The following SIGLEC9 variants were observed in gnomAD, a reference collection of about 807,000 sequenced individuals.
SIGLEC9 encodes sialic acid binding Ig like lectin 9.
Under a neutral mutation model 38.3 loss-of-function variants are expected in SIGLEC9, and 26 were observed. That is an observed-to-expected ratio of 0.68 (90% CI 0.50 to 0.94). The LOEUF is 0.94. Ranked by LOEUF, SIGLEC9 falls within the 40% of genes least tolerant of loss-of-function variation. SIGLEC9 has a pLI of 0.00. For synonymous variants in SIGLEC9, 236 were observed against 248.0 expected, an observed-to-expected ratio of 0.95 and a Z score of 0.45; for missense variants, 556 against 585.7, an observed-to-expected ratio of 0.95 and a Z score of 0.52.
exon 7 of SIGLEC9, chr19:51,136,177 C>T: frequency 1.4e-6 from 1 of 703,458 alleles, no homozygotes; most frequent in South Asian, 1.5e-5. Flanking sequence ...TTCACTGGTT[C>T]TTCCTCATCT....
Position 51,136,023 on chromosome 19 carries a change from A to C in SIGLEC9, c.1265A>C (p.Asn422Thr), listed in dbSNP as rs1447845260. 11 of 703,412 alleles carry C rather than the reference A, an allele frequency of 1.6e-5. No individual in the cohort carries two copies. In the Admixed American group the frequency reaches 2.2e-4, roughly 14 times the overall value. 43.6% of individuals were successfully genotyped at this position (703,412 alleles called of 1,614,324 possible). Residue 422 changes from asparagine (N) to threonine (T), a missense_variant, in exon 7 of 7, where the codon AAT (asparagine) becomes ACT (threonine). By Grantham distance (65) the Asn-to-Thr change is moderately conservative (BLOSUM62 0). Coordinates refer to the SIGLEC9 transcript ENST00000440804. ...GGACTGGGTTTCGAGTTTCTCCTGA[A>C]TCTCCGTGATCTTTGTTGCCATCCA...
chr19:51,130,666 C>G (rs2092010321), downstream of SIGLEC9, among the ~76,000 whole-genome samples: 1 of 152,206 alleles, frequency 6.6e-6, no homozygotes, highest in African/African-American at 2.4e-5. Flanking sequence ...TCTCTGCAGT[C>G]TACGTATTGT....
chr19:51,134,116 T>TG (rs2092030567), downstream of SIGLEC9, among the ~76,000 whole-genome samples: 1 of 149,014 alleles, frequency 6.7e-6, no homozygotes, highest in African/African-American at 2.4e-5. Flanking sequence ...GGGAACTTTC[T>TG]GGGGTCCTGG....
downstream of SIGLEC9, among the ~76,000 whole-genome samples, chr19:51,131,962 T>C (rs991807611): frequency 6.6e-6 from 1 of 152,088 alleles, no homozygotes; most frequent in Non-Finnish European, 1.5e-5. Context: ...ATATGGTTTG[T>C]TTGGCCCTGC....
Position 51,127,271 on chromosome 19 carries a change from G to C in SIGLEC9, c.990G>C (p.Gln330His). The stretch of plus-strand genomic sequence containing the variant: ...CTCAGAACCCTCTCGGCTCTCAGCA[G>C]GTCTACCTGAACGTCTCCCTGCAGA... ...CRAQNPLGSQ[Q>H]VYLNVSLQSK... The change falls in exon 4 of 7, where the codon CAG becomes CAC. Residue 330 changes from glutamine (Q) to histidine (H), a missense_variant. Transcript: ENST00000250360. 6.2e-7 allele frequency: 1 copy of C among 1,613,364 alleles called. No individual in the cohort carries two copies. The highest frequency in any genetic ancestry group is 8.5e-7 in the Non-Finnish European group (1 of 1,179,510).
At chr19:51,122,262 C>T (rs755477086), upstream of SIGLEC9, among the ~76,000 whole-genome samples, 2 of 152,204 alleles carry the variant, frequency 1.3e-5, no homozygotes, top group African/African-American at 2.4e-5. This position sits in a 1 kb window ranked among gnomAD's most constrained non-coding sequence, Gnocchi z 4.1. Flanking sequence ...TGTCAGCTAG[C>T]GTGGACTCCG....
downstream of SIGLEC9, among the ~76,000 whole-genome samples, chr19:51,131,585 CAAAA>C (rs1160571544): frequency 6.8e-6 from 1 of 147,454 alleles, no homozygotes; most frequent in East Asian, 2.0e-4. Flanking sequence ...GACTCCGTCT[CAAAA>C]AAAATAAATA....
In SIGLEC9 at chr19:51,125,696, C is replaced by A. The variant is rs570293696; in HGVS notation, c.521C>A (p.Thr174Lys). The A allele has an allele frequency of 1.9e-6, 3 of 1,613,892 alleles. No individual in the cohort carries two copies. The highest frequency in any genetic ancestry group is 1.1e-5 in the South Asian group (1 of 91,088). The change falls in exon 2 of 7, where the codon ACA becomes AAA. Residue 174 changes from threonine to lysine, a missense_variant. Coordinates refer to ENST00000250360, the MANE Select transcript of SIGLEC9 (RefSeq NM_014441.3). ...GTGCCCTGGGCCTGTGAGCAGGGGACACCCCCTATGATCTCCTGGATAGGG... is the reference window on the plus strand; with the variant it reads ...GTGCCCTGGGCCTGTGAGCAGGGGAAACCCCCTATGATCTCCTGGATAGGG... ...CSVPWACEQG[T>K]PPMISWIGTS...
In SIGLEC9 at chr19:51,128,506, C is replaced by G; in HGVS notation, c.1199C>G (p.Ser400Cys). The G allele has an allele frequency of 6.2e-7, 1 of 1,613,706 alleles. No homozygotes were observed. The highest frequency in any genetic ancestry group is 1.1e-5 in the South Asian group (1 of 91,064). ...EDANAVRGSA[S>C]QGPLTEPWAE... is the part of the protein sequence containing the mutation. ...GCAAACGCTGTCAGGGGTTCAGCCT[C>G]TCAGGTGAGTGATGTGGACTCTCCA... is the stretch of plus-strand genomic sequence containing the variant. The change falls in exon 6 of 7, where the codon TCT becomes TGT. Residue 400 changes from serine (S) to cysteine (C), a missense_variant. By Grantham distance (112) the Ser-to-Cys change is moderately radical. Coordinates refer to ENST00000250360, the MANE Select transcript of SIGLEC9 (RefSeq NM_014441.3).
In SIGLEC9 at chr19:51,124,962, T is replaced by C. The variant is rs1249576807; in HGVS notation, c.-13T>C. 1 of 1,593,260 alleles carries C rather than the reference T, an allele frequency of 6.3e-7. No homozygotes were observed. Among genetic ancestry groups the C allele is most frequent in the Non-Finnish European group, 8.6e-7 (1 of 1,169,030 alleles). On this transcript the variant is annotated 5_prime_UTR_variant, in exon 1 of 7. Transcript: ENST00000250360. ...GACGTTCCCTCGCGGCCCTGGCACCTCTAACCCCAGACATGCTGCTGCTGC... is the reference window on the plus strand; with the variant it reads ...GACGTTCCCTCGCGGCCCTGGCACCCCTAACCCCAGACATGCTGCTGCTGC...
At chr19:51,132,376 A>G (rs571381221), downstream of SIGLEC9, among the ~76,000 whole-genome samples, 1 of 152,320 alleles carries the variant, frequency 6.6e-6, no homozygotes, top group Admixed American at 6.5e-5. Flanking sequence ...AGGTCGAGGC[A>G]TGGAAAAATA....
chr19:51,131,359 G>C (rs1439227875), downstream of SIGLEC9, among the ~76,000 whole-genome samples: 1 of 152,118 alleles, frequency 6.6e-6, no homozygotes, highest in Non-Finnish European at 1.5e-5. Flanking sequence ...AGGCCGAGGT[G>C]GGCAGATCAC....
At chr19:51,135,647 G>A (rs1183549508) in intron 6 of SIGLEC9, among the ~76,000 whole-genome samples, 1 of 152,142 alleles carries the variant, frequency 6.6e-6, no homozygotes, top group East Asian at 1.9e-4. Context: ...GGAAATTTTT[G>A]TGGATGATAT....
At chr19:51,128,066 G>A in intron 5 of SIGLEC9, 27 bp downstream of exon 5, 1 of 1,566,564 alleles carries the variant, frequency 6.4e-7, no homozygotes, top group Non-Finnish European at 8.8e-7. Context: ...GAGAGGGAGG[G>A]AGGGAGAGCC....
chr19:51,133,350 A>T (rs1031732378), downstream of SIGLEC9, among the ~76,000 whole-genome samples: 9 of 151,604 alleles, frequency 5.9e-5, no homozygotes, highest in African/African-American at 2.2e-4. Context: ...AGGTGGGTGG[A>T]TCACTTGAGG....
downstream of SIGLEC9, among the ~76,000 whole-genome samples, chr19:51,132,553 G>C (rs1016577928): frequency 2.0e-5 from 3 of 152,158 alleles, no homozygotes; most frequent in Non-Finnish European, 4.4e-5. Context: ...GACCGCAAAA[G>C]GCCATCTGGT....
chr19:51,123,179 C>T (rs961279436), upstream of SIGLEC9, among the ~76,000 whole-genome samples: 4 of 152,198 alleles, frequency 2.6e-5, no homozygotes, highest in African/African-American at 7.2e-5. Flanking sequence ...CCCCCAACCC[C>T]CATGGCCTCA....
chr19:51,125,435 AT>A (rs1211655843), intron 1 of SIGLEC9, 40 bp downstream of exon 1: 1 of 1,553,926 alleles, frequency 6.4e-7, no homozygotes, highest in African/African-American at 1.4e-5. Context: ...GGGAAAGGTC[AT>A]GGGGGCGGCA....
At chr19:51,135,010 T>C (rs2092035045), downstream of SIGLEC9, among the ~76,000 whole-genome samples, 2 of 152,168 alleles carry the variant, frequency 1.3e-5, no homozygotes, top group Admixed American at 6.5e-5. Flanking sequence ...CATCCCAGTC[T>C]CCTCTGCGTC....
Sources: allele counts gnomAD v4.1 joint callset (sites outside exome capture counted in the v4.1 genomes callset), GRCh38; gene constraint gnomAD v4.1.1; non-coding constraint Gnocchi (gnomAD v3.1); transcripts MANE v1.5; gene names NCBI Gene and HGNC (gene_info 2026-07-23, HGNC 2026-07-21).